The following FBXL7 variants were observed in gnomAD, a reference collection of about 807,000 sequenced individuals.
FBXL7 encodes the protein F-box and leucine rich repeat protein 7.
In FBXL7, 12 loss-of-function variants were observed where a neutral mutation model predicts 38.3. The observed-to-expected ratio is 0.31, with a 90% CI of 0.20 to 0.51. The LOEUF is 0.51. Among genes scored for constraint, FBXL7 ranks in the 20% least tolerant of loss-of-function variants. FBXL7 has a pLI of 0.98. For synonymous variants in FBXL7, 297 were observed against 300.9 expected, an observed-to-expected ratio of 0.99 and a Z score of 0.13; for missense variants, 567 against 676.4, an observed-to-expected ratio of 0.84 and a Z score of 1.79.
Position 15,928,410 on chromosome 5 carries a change from A to G in FBXL7, c.648A>G (p.Arg216=). The stretch of plus-strand genomic sequence containing the variant: ...CCCAGTGCTGCCCCGAACTGAGGCG[A>G]CTGGAAGTCTCAGGCTGTTACAATA... ...TIAQCCPELR[R]LEVSGCYNIS... The change falls in exon 3 of 4, where the codon CGA becomes CGG. Residue 216 remains arginine (R), a synonymous_variant. Coordinates refer to ENST00000504595, the MANE Select transcript of FBXL7 (RefSeq NM_012304.5). The surrounding 1 kb of genome is among the most constrained non-coding windows in gnomAD (Gnocchi z 4.0). 6.2e-7 allele frequency: 1 copy of G among 1,613,968 alleles called. No individual in the cohort carries two copies. Among genetic ancestry groups the G allele is most frequent in the Non-Finnish European group, 8.5e-7 (1 of 1,179,882 alleles).
At chr5:15,648,770 G>A (rs867572849) in intron 2 of FBXL7, among the ~76,000 whole-genome samples, 6 of 152,270 alleles carry the variant, frequency 3.9e-5, no homozygotes, top group East Asian at 1.9e-4. Context: ...TCAGTTGAAC[G>A]ATGAACTCCA....
intron 2 of FBXL7, among the ~76,000 whole-genome samples, chr5:15,651,883 A>T (rs973741439): frequency 6.6e-6 from 1 of 152,232 alleles, no homozygotes; most frequent in East Asian, 1.9e-4. Flanking sequence ...CTTCATATGC[A>T]CTGAAAATCT....
intron 1 of FBXL7, among the ~76,000 whole-genome samples, chr5:15,614,795 A>G (rs1020019996): frequency 6.6e-6 from 1 of 152,056 alleles, no homozygotes; most frequent in African/African-American, 2.4e-5. Flanking sequence ...GGCAGAACTC[A>G]TTTTCTTGTA....
At chr5:15,876,410 AAAG>A (rs1740209256) in intron 2 of FBXL7, among the ~76,000 whole-genome samples, 1 of 152,192 alleles carries the variant, frequency 6.6e-6, no homozygotes, top group Non-Finnish European at 1.5e-5. Flanking sequence ...ATTAAAAAAA[AAAG>A]GTGTTCCCAT....
intron 1 of FBXL7, among the ~76,000 whole-genome samples, chr5:15,550,578 C>T (rs4144522): frequency 0.39 from 59,721 of 152,042 alleles, 12,504 homozygotes; most frequent in African/African-American, 0.53. Flanking sequence ...TCTGAGAACT[C>T]GGGTCATCTC....
chr5:15,763,416 A>T lies in FBXL7; in HGVS notation c.127+147344A>T, dbSNP rs556697524. ...GTTAGAATTTTTGAAACGTAAGAAG[A>T]TACAGGCTGCAAATTTGGCTCTCTT... On this transcript the variant is annotated intron_variant, in intron 2 of 3. Transcript: ENST00000504595. 2.5e-4 allele frequency among the ~76,000 whole-genome samples: 38 copies of T among 152,344 alleles called. No individual in the cohort carries two copies. The South Asian group carries it at 7.7e-3, about 31-fold the overall frequency.
rs538413168 is a variant in FBXL7 at position 15,545,668 on chromosome 5, T to C, written c.37+44955T>C. ...TGGATATATCTGGCATCATAATAGA[T>C]GTGCTGGGGACAAAACAGATGTTGC... On this transcript the variant is annotated intron_variant, in intron 1 of 3. Transcript: ENST00000504595. Among the ~76,000 whole-genome samples, 3 of 152,342 alleles carry C rather than the reference T, an allele frequency of 2.0e-5. No homozygotes were observed. In the East Asian group the frequency reaches 5.8e-4, roughly 29 times the overall value.
At chr5:15,883,749 C>A (rs2126344681) in intron 2 of FBXL7, among the ~76,000 whole-genome samples, 1 of 152,266 alleles carries the variant, frequency 6.6e-6, no homozygotes, top group South Asian at 2.1e-4. Context: ...GTGGCTGAGT[C>A]ATTCAAACTA....
chr5:15,897,620 GACA>G (rs1272604716), intron 2 of FBXL7, among the ~76,000 whole-genome samples: 1 of 152,210 alleles, frequency 6.6e-6, no homozygotes, highest in African/African-American at 2.4e-5. Context: ...AGGAAGAGGG[GACA>G]ACATGAGTAG....
At chr5:15,564,647 C>T (rs1430208908) in intron 1 of FBXL7, among the ~76,000 whole-genome samples, 1 of 152,038 alleles carries the variant, frequency 6.6e-6, no homozygotes, top group Non-Finnish European at 1.5e-5. Context: ...TATTTAACTG[C>T]TCTGTGATTT....
chr5:15,632,183 G>T (rs1209124472), intron 2 of FBXL7, among the ~76,000 whole-genome samples: 1 of 152,084 alleles, frequency 6.6e-6, no homozygotes, highest in Non-Finnish European at 1.5e-5. Flanking sequence ...ATCAAATGGG[G>T]ATATAATATG....
intron 2 of FBXL7, among the ~76,000 whole-genome samples, chr5:15,669,054 T>C (rs1208076937): frequency 6.6e-6 from 1 of 152,178 alleles, no homozygotes; most frequent in Admixed American, 6.5e-5. Context: ...TACTCCTGTG[T>C]CACACATTGT....
chr5:15,872,868 T>C (rs1561165019), intron 2 of FBXL7, among the ~76,000 whole-genome samples: 1 of 152,086 alleles, frequency 6.6e-6, no homozygotes, highest in African/African-American at 2.4e-5. Context: ...ATTAGACATA[T>C]CAACAAGACA....
intron 2 of FBXL7, among the ~76,000 whole-genome samples, chr5:15,733,514 G>T (rs116401492): frequency 6.6e-6 from 1 of 152,186 alleles, no homozygotes; most frequent in Admixed American, 6.5e-5. Context: ...CATTTAGTAT[G>T]CCATGAATGG....
intron 2 of FBXL7, among the ~76,000 whole-genome samples, chr5:15,636,094 T>C (rs1741181601): frequency 6.8e-6 from 1 of 147,920 alleles, no homozygotes; most frequent in Non-Finnish European, 1.5e-5. Context: ...CTTGGCTTTG[T>C]ATATCTGTTT....
At position 15,927,940 on chromosome 5, in the gene FBXL7, T is replaced by G. The variant is rs1453835832; in HGVS notation, c.178T>G (p.Cys60Gly). Reference sequence around the variant, plus strand: ...GAGCACGCCCAGCCCAGCCCTGATATGTCCACCGAATCTCCCAGGATTTCA... The same window carrying G: ...GAGCACGCCCAGCCCAGCCCTGATAGGTCCACCGAATCTCCCAGGATTTCA... ...TLSTPSPALI[C>G]PPNLPGFQNG... The change falls in exon 3 of 4, where the codon TGT (cysteine) becomes GGT (glycine). Residue 60 changes from cysteine (C) to glycine (G), a missense_variant. Cys to Gly is a radical substitution (Grantham distance 159). Coordinates refer to ENST00000504595, the MANE Select transcript of FBXL7 (RefSeq NM_012304.5). 2.6e-6 allele frequency: 4 copies of G among 1,560,822 alleles called. No homozygotes were observed. The highest frequency in any genetic ancestry group is 1.4e-5 in the African/African-American group (1 of 73,892).
intron 1 of FBXL7, among the ~76,000 whole-genome samples, chr5:15,513,990 G>A (rs1736868519): frequency 6.6e-6 from 1 of 151,908 alleles, no homozygotes; most frequent in South Asian, 2.1e-4. Flanking sequence ...ATTTCCTTGG[G>A]GAGTCTTTCT....
chr5:15,633,529 A>AT lies in FBXL7; in HGVS notation c.127+17466dup, dbSNP rs200461353. On this transcript the variant is annotated intron_variant, in intron 2 of 3. Coordinates refer to ENST00000504595, the MANE Select transcript of FBXL7 (RefSeq NM_012304.5). Reference sequence around the variant, plus strand: ...CATTAGATGCACATACTTCCAACACATTTTTTTTTCTGTTTTATATACATT... The same window carrying AT: ...CATTAGATGCACATACTTCCAACACATTTTTTTTTTCTGTTTTATATACATT... Among the ~76,000 whole-genome samples, 20 of 150,698 alleles carry AT rather than the reference A, an allele frequency of 1.3e-4. No homozygotes were observed. In the East Asian group the frequency reaches 1.4e-3, roughly 10 times the overall value.
chr5:15,502,818 A>T (rs904248314), intron 1 of FBXL7, among the ~76,000 whole-genome samples: 1 of 152,228 alleles, frequency 6.6e-6, no homozygotes, highest in African/African-American at 2.4e-5. Flanking sequence ...TGGCAGTGCC[A>T]TCTTTCTTAT....
Sources: gnomAD v4.1 joint callset for allele counts (sites outside exome capture counted in the v4.1 genomes callset) on GRCh38, gnomAD v4.1.1 for gene constraint, Gnocchi (gnomAD v3.1) non-coding constraint, MANE v1.5 for transcripts, NCBI Gene and HGNC (gene_info 2026-07-23, HGNC 2026-07-21) for gene names.